SPRY3: variants seen among roughly 807,000 people sequenced by gnomAD.
The protein encoded by SPRY3 is protein sprouty homolog 3.
Under a neutral mutation model 20.2 loss-of-function variants are expected in SPRY3, and 15 were observed. That is an observed-to-expected ratio of 0.74 (90% CI 0.50 to 1.14). SPRY3 has a LOEUF of 1.14. Ranked by LOEUF, SPRY3 falls within the 50% of genes most tolerant of loss-of-function variation. The probability of loss-of-function intolerance (pLI) is 0.00; values close to 1 mark genes in which losing one functional copy is unlikely to be tolerated. For missense variants in SPRY3, 364 were observed against 363.9 expected, an observed-to-expected ratio of 1.00 and a Z score of 0.00; for synonymous variants, 143 against 136.5, an observed-to-expected ratio of 1.05 and a Z score of -0.33.
At chrX:155,679,235 G>A (rs1472892680) in intron 2 of SPRY3, among the ~76,000 whole-genome samples, 1 of 111,207 alleles carries the variant, frequency 9.0e-6, no homozygotes, top group Non-Finnish European at 1.9e-5. Context: ...TAAAAACCAT[G>A]AATACAAATT....
chrX:155,740,073 T>G (rs758493526), intron 2 of SPRY3, among the ~76,000 whole-genome samples: 1 of 152,126 alleles, frequency 6.6e-6, no homozygotes, highest in African/African-American at 2.4e-5. Context: ...CAGAGGAACA[T>G]AAATTATGAA....
In SPRY3 at chrX:155,688,966, T is replaced by G. The variant is rs769159108; in HGVS notation, c.-282+31941T>G. ...CCACTTTTTAATAGAGTTGCTCAGC[T>G]TTTTCTTGTAAATTTGTTTAAGTTT... On this transcript the variant is annotated intron_variant, in intron 2 of 3. Transcript: ENST00000675360. Among the ~76,000 whole-genome samples the G allele has an allele frequency of 6.8e-5, 6 of 87,960 alleles. 1 individual carries two copies. Among genetic ancestry groups the G allele is most frequent in the Non-Finnish European group, 1.3e-4 (6 of 47,076 alleles). 76.4% of individuals were successfully genotyped at this position (87,960 alleles called of 115,157 possible).
intron 2 of SPRY3, among the ~76,000 whole-genome samples, chrX:155,766,215 A>G (rs2091328000): frequency 6.6e-6 from 1 of 152,174 alleles, no homozygotes; most frequent in Non-Finnish European, 1.5e-5. Flanking sequence ...AAACACATAC[A>G]TACACACAGG....
rs2091366975 is a variant in SPRY3, at chrX:155,769,320, T to C, written c.-107+1184T>C. 3.3e-5 allele frequency among the ~76,000 whole-genome samples: 5 copies of C among 152,282 alleles called. No individual in the cohort carries two copies. In the South Asian group the frequency reaches 8.3e-4, roughly 25 times the overall value. On this transcript the variant is annotated intron_variant, in intron 3 of 3. Transcript: ENST00000675360. ...AACCTAAAGGAAAGGACACTAATTC[T>C]TCCTTAAAGACTTTTGAAACAGAGA...
At chrX:155,737,067 C>T (rs762009289) in intron 2 of SPRY3, among the ~76,000 whole-genome samples, 1 of 152,226 alleles carries the variant, frequency 6.6e-6, no homozygotes, top group African/African-American at 2.4e-5. Flanking sequence ...GAATTTTCAT[C>T]TATCTGCTTG....
At chrX:155,704,706 C>A (rs2090937438) in intron 2 of SPRY3, among the ~76,000 whole-genome samples, 1 of 151,250 alleles carries the variant, frequency 6.6e-6, no homozygotes, top group African/African-American at 2.4e-5. Context: ...AAAAACCAAA[C>A]AAATTAGGCA....
chrX:155,652,019 A>G (rs908284799), intron 1 of SPRY3, among the ~76,000 whole-genome samples: 1 of 111,520 alleles, frequency 9.0e-6, no homozygotes, highest in South Asian at 3.8e-4. Context: ...AACGTCCTAC[A>G]TGGCTGGAGC....
rs782421894 is a variant in SPRY3, at chrX:155,645,530, A to G, written c.-440-11337A>G. On this transcript the variant is annotated intron_variant, in intron 1 of 3. Coordinates refer to ENST00000675360, the Ensembl canonical transcript of SPRY3. ...TTCCTTTCTAGCTAGGCCTGGTTTAAGTACTCTACTCTCTCCATGGGCGAG... is the reference window on the plus strand; with the variant it reads ...TTCCTTTCTAGCTAGGCCTGGTTTAGGTACTCTACTCTCTCCATGGGCGAG... 2.5e-3 allele frequency among the ~76,000 whole-genome samples: 135 copies of G among 53,271 alleles called. 1 individual carries two copies. The highest frequency in any genetic ancestry group is 5.7e-3 in the African/African-American group (125 of 22,121). 46.3% of individuals were successfully genotyped at this position (53,271 alleles called of 115,157 possible). A position where few individuals can be genotyped will look rare whatever the true frequency, so the allele number is the denominator to read the frequency against.
rs138341425 is a variant in SPRY3 at position 155,627,496 on chromosome X, T to C, written c.-441+14849T>C. Among the ~76,000 whole-genome samples the C allele has an allele frequency of 6.9e-3, 768 of 111,922 alleles. 6 individuals carry two copies. The highest frequency in any genetic ancestry group is 0.024 in the African/African-American group (730 of 30,869). On this transcript the variant is annotated intron_variant, in intron 1 of 3. Transcript: ENST00000675360. ...GCCACTTTTTAAATCCATGCACTCA[T>C]TGATGGACACTTAGTTTTATTCCAT...
chrX:155,714,307 T>C (rs1193640788), intron 2 of SPRY3, among the ~76,000 whole-genome samples: 3 of 152,194 alleles, frequency 2.0e-5, no homozygotes. Context: ...GCATTCATTG[T>C]AGTCTTCAAA....
chrX:155,725,525 ACTT>A (rs2091091365), intron 2 of SPRY3, among the ~76,000 whole-genome samples: 1 of 152,036 alleles, frequency 6.6e-6, no homozygotes, highest in South Asian at 2.1e-4. Context: ...CAGAGATTCA[ACTT>A]CTTCCTGATT....
At chrX:155,743,243 T>C (rs2091211638) in intron 2 of SPRY3, among the ~76,000 whole-genome samples, 1 of 152,056 alleles carries the variant, frequency 6.6e-6, no homozygotes, top group Admixed American at 6.6e-5. Context: ...CCTGGACACA[T>C]ACACCCTCCC....
intron 2 of SPRY3, among the ~76,000 whole-genome samples, chrX:155,716,858 G>A (rs2091026449): frequency 6.6e-6 from 1 of 151,190 alleles, no homozygotes; most frequent in South Asian, 2.1e-4. Flanking sequence ...CATTGGCCAG[G>A]CATGGTGGCT....
chrX:155,749,271 T>C (rs1237704871), intron 2 of SPRY3, among the ~76,000 whole-genome samples: 1 of 151,820 alleles, frequency 6.6e-6, no homozygotes, highest in Admixed American at 6.6e-5. Context: ...GTGAGTAAAA[T>C]AGACATTCCC....
chrX:155,774,536 G>C lies in SPRY3; in HGVS notation c.665G>C (p.Trp222Ser), dbSNP rs747347389. Reference sequence around the variant, plus strand: ...GGGCCTAGTTCTTGCTTTGTCCGCTGGGCAGCCATGAGCCTCATCTCCCTC... The same window carrying C: ...GGGCCTAGTTCTTGCTTTGTCCGCTCGGCAGCCATGAGCCTCATCTCCCTC... Residue 222 changes from tryptophan (W) to serine (S), a missense_variant, in exon 4 of 4, where the codon TGG (tryptophan) becomes TCG (serine). Transcript: ENST00000675360. The C allele has an allele frequency of 1.9e-6, 3 of 1,613,950 alleles. No homozygotes were observed. In the South Asian group the frequency reaches 3.3e-5, roughly 18 times the overall value.
chrX:155,666,302 T>C (rs1311001901), intron 2 of SPRY3, among the ~76,000 whole-genome samples: 1 of 111,898 alleles, frequency 8.9e-6, no homozygotes, highest in Non-Finnish European at 1.9e-5. Context: ...AATAATTGTG[T>C]ATATTTATGG....
chrX:155,720,363 G>A (rs1010187024), intron 2 of SPRY3, among the ~76,000 whole-genome samples: 1 of 151,834 alleles, frequency 6.6e-6, no homozygotes, highest in African/African-American at 2.4e-5. Flanking sequence ...CTGGGGCCTG[G>A]GGGATCTCAT....
At chrX:155,775,031 A>T (rs2091415072) in exon 4 of SPRY3, 1 of 490,498 alleles carries the variant, frequency 2.0e-6, no homozygotes, top group Non-Finnish European at 3.7e-6. Flanking sequence ...CTGAGGACTG[A>T]CAGGGCCAGC....
At chrX:155,655,572 A>G (rs1211837695) in intron 1 of SPRY3, among the ~76,000 whole-genome samples, 1 of 111,656 alleles carries the variant, frequency 9.0e-6, no homozygotes, top group African/African-American at 3.3e-5. Context: ...TCTTCTGCGT[A>G]TGATGATTAA....
Sources: gnomAD v4.1 joint callset for allele counts (sites outside exome capture counted in the v4.1 genomes callset) on GRCh38, gnomAD v4.1.1 for gene constraint, MANE v1.5 for transcripts, NCBI Gene and HGNC (gene_info 2026-07-23, HGNC 2026-07-21) for gene names.